Variants in SNUPN observed in about 807,000 individuals in gnomAD.
SNUPN encodes the protein snurportin-1.
In SNUPN, 31 loss-of-function variants were observed where a neutral mutation model predicts 39.2. The observed-to-expected ratio is 0.79, with a 90% CI of 0.59 to 1.07. SNUPN has a LOEUF of 1.07. SNUPN is among the 50% of genes least tolerant of loss of function. The pLI, the probability that SNUPN is intolerant of heterozygous loss-of-function variation, is 0.00. For synonymous variants in SNUPN, 132 were observed against 159.0 expected (o/e 0.83, Z 1.28); for missense variants, 382 against 434.2 (o/e 0.88, Z 1.07).
chr15:75,622,291 G>A, intron 1 of SNUPN: 2 of 947,850 alleles, frequency 2.1e-6, no homozygotes, highest in Non-Finnish European at 2.5e-6. Context: ...GTTGTGTTTT[G>A]TTTTTGGGTG....
chr15:75,614,149 G>A (rs959729524), intron 3 of SNUPN, among the ~76,000 whole-genome samples: 1 of 151,976 alleles, frequency 6.6e-6, no homozygotes, highest in African/African-American at 2.4e-5. Flanking sequence ...AAATTAGCTG[G>A]GTGTGATGGC....
intron 4 of SNUPN, 89 bp from the exon 5 acceptor site, chr15:75,609,740 A>G: frequency 8.4e-7 from 1 of 1,184,642 alleles, no homozygotes; most frequent in South Asian, 1.3e-5. Flanking sequence ...TTACTCGACC[A>G]AAGATGGCTC....
chr15:75,598,662 TAGAAG>T lies in SNUPN; in HGVS notation c.774_778del (p.Phe259ProfsTer70). 1 of 1,603,744 alleles carries T rather than the reference TAGAAG, an allele frequency of 6.2e-7. No individual in the cohort carries two copies. Among genetic ancestry groups the T allele is most frequent in the Non-Finnish European group, 8.5e-7 (1 of 1,171,722 alleles). ...GGGGCTGTAGTGGGTCTGTTTGTGG[TAGAAG>T]AGAAGTCCATCTACCTATAAGACAA... is the stretch of plus-strand genomic sequence containing the variant. On this transcript the variant is annotated frameshift_variant, in exon 9 of 9. Transcript: ENST00000308588. LOFTEE classifies it high-confidence loss of function.
chr15:75,620,977 G>A lies in SNUPN; in HGVS notation c.75C>T (p.His25=). 1.2e-6 allele frequency: 2 copies of A among 1,614,108 alleles called. No individual in the cohort carries two copies. Among genetic ancestry groups the A allele is most frequent in the Admixed American group, 1.7e-5 (1 of 60,012 alleles). Residue 25 remains histidine, a synonymous_variant, in exon 2 of 9, where the codon CAC becomes CAT. Coordinates refer to ENST00000308588, the MANE Select transcript of SNUPN (RefSeq NM_005701.4). ...TGGACTTGTACTGGGATAGGCGGGG[G>A]TGTGGGGCAGCTGTGCTGTTCAGAT... is the stretch of plus-strand genomic sequence containing the variant. ...SQDLNSTAAP[H]PRLSQYKSKY...
Position 75,609,597 on chromosome 15 carries a change from G to C in SNUPN, c.463C>G (p.Leu155Val), listed in dbSNP as rs1411215715. ...SGYCVNRFSS[L>V]LPGGNRRNST... ...TTTCGCCTGTTGCCTCCTGGCAGAA[G>C]TGAAGAAAACCTGTTGACACAGTAG... The change falls in exon 5 of 9, where the codon CTT becomes GTT. Residue 155 changes from leucine to valine, a missense_variant. Transcript: ENST00000308588. 18 of 1,613,970 alleles carry C rather than the reference G, an allele frequency of 1.1e-5. No individual in the cohort carries two copies. The highest frequency in any genetic ancestry group is 1.7e-5 in the Admixed American group (1 of 59,978).
At chr15:75,603,338 C>T (rs1373989432) in intron 7 of SNUPN, among the ~76,000 whole-genome samples, 1 of 150,712 alleles carries the variant, frequency 6.6e-6, no homozygotes, top group Non-Finnish European at 1.5e-5. Flanking sequence ...TGAGCTACCG[C>T]ACTCGGCCTG....
chr15:75,623,997 G>A (rs1429986337), intron 1 of SNUPN, among the ~76,000 whole-genome samples: 1 of 142,024 alleles, frequency 7.0e-6, no homozygotes, highest in Non-Finnish European at 1.5e-5. Context: ...GCGGGATCTC[G>A]GCTCACTGCA....
chr15:75,625,170 C>T (rs940189033), intron 1 of SNUPN: 1 of 152,738 alleles, frequency 6.5e-6, no homozygotes, highest in Non-Finnish European at 1.5e-5. Flanking sequence ...AACCCCCGCT[C>T]CAACTCCCTA....
At chr15:75,612,548 G>A (rs924221534) in intron 3 of SNUPN, among the ~76,000 whole-genome samples, 1 of 151,938 alleles carries the variant, frequency 6.6e-6, no homozygotes, top group Admixed American at 6.6e-5. Flanking sequence ...TCCCATTAGG[G>A]GTGGATCTCA....
intron 1 of SNUPN, among the ~76,000 whole-genome samples, chr15:75,622,155 T>C (rs1233843781): frequency 6.6e-6 from 1 of 152,208 alleles, no homozygotes; most frequent in African/African-American, 2.4e-5. Context: ...TTGAGGCCAG[T>C]AGTTCAAGAC....
At position 75,617,428 on chromosome 15, in the gene SNUPN, G is replaced by A. The variant is rs1321273305; in HGVS notation, c.283C>T (p.Pro95Ser). The A allele has an allele frequency of 1.2e-6, 2 of 1,613,896 alleles. No individual in the cohort carries two copies. Among genetic ancestry groups the A allele is most frequent in the East Asian group, 4.5e-5 (2 of 44,866 alleles). ...CTTACTTGATTAGCATAGTGTTTTG[G>A]TAACTTCTTGACAGTGTCAATGTCC... is the stretch of plus-strand genomic sequence containing the variant. ...EMDIDTVKKL[P>S]KHYANQLMLS... Residue 95 changes from proline to serine, a missense_variant, in exon 3 of 9, where the codon CCA (proline) becomes TCA (serine). Transcript: ENST00000308588.
At chr15:75,623,441 G>A (rs1026555288) in intron 1 of SNUPN, among the ~76,000 whole-genome samples, 6 of 125,730 alleles carry the variant, frequency 4.8e-5, no homozygotes, top group East Asian at 2.1e-4. Flanking sequence ...GAGCCACCAC[G>A]CCCGGCCTTT....
At chr15:75,600,721 TG>T (rs2075278854) in intron 8 of SNUPN, 1 of 202,266 alleles carries the variant, frequency 4.9e-6, no homozygotes, top group Admixed American at 5.5e-5. Context: ...TTTGGACATT[TG>T]TTGGAGTCAT....
At chr15:75,622,139 G>A (rs1354205299) in intron 1 of SNUPN, among the ~76,000 whole-genome samples, 2 of 152,238 alleles carry the variant, frequency 1.3e-5, no homozygotes, top group African/African-American at 4.8e-5. Flanking sequence ...AAGGCAGGAG[G>A]ATCACTTGAG....
At chr15:75,609,808 G>T in intron 4 of SNUPN, 82 bp downstream of exon 4, 2 of 1,243,782 alleles carry the variant, frequency 1.6e-6, no homozygotes, top group Admixed American at 1.8e-5. Flanking sequence ...CAGCTGTTGT[G>T]GCGTATGAGG....
chr15:75,609,312 C>G (rs1199670659), intron 5 of SNUPN, among the ~76,000 whole-genome samples: 1 of 151,196 alleles, frequency 6.6e-6, no homozygotes, highest in African/African-American at 2.4e-5. Context: ...GCCTCAGCCT[C>G]CCGAGTAGCT....
intron 1 of SNUPN, chr15:75,625,242 C>G (rs1292633201): frequency 6.9e-6 from 1 of 145,834 alleles, no homozygotes; most frequent in African/African-American, 2.6e-5. Flanking sequence ...AGCCCCCTCC[C>G]CCATCCCCTT....
At chr15:75,600,979 C>G (rs1274646747) in intron 8 of SNUPN, 159 bp downstream of exon 8, 20 of 612,710 alleles carry the variant, frequency 3.3e-5, no homozygotes, top group Non-Finnish European at 5.4e-5. Context: ...GGAGCTCAGG[C>G]TCTGAAGGGC....
In SNUPN at chr15:75,607,216, C is replaced by T; in HGVS notation, c.600G>A (p.Gln200=). The change falls in exon 6 of 9, where the codon CAG becomes CAA. Residue 200 remains glutamine (Q), a splice_region_variant and synonymous_variant. Transcript: ENST00000308588. ...CCACGAGAGGAGGATCCATCCCTAC[C>T]TGGCAATCATAAAAAGGGTGTCCCC... is the stretch of plus-strand genomic sequence containing the variant. ...CWRGHPFYDC[Q]TDFRFYWMHS... 1 of 1,608,054 alleles carries T rather than the reference C, an allele frequency of 6.2e-7. No homozygotes were observed. The highest frequency in any genetic ancestry group is 8.5e-7 in the Non-Finnish European group (1 of 1,174,564).
Sources: allele counts gnomAD v4.1 joint callset (sites outside exome capture counted in the v4.1 genomes callset), GRCh38; gene constraint gnomAD v4.1.1; transcripts MANE v1.5; gene names NCBI Gene and HGNC (gene_info 2026-07-23, HGNC 2026-07-21).